ANKS1A: variants seen among roughly 807,000 people sequenced by gnomAD.
The protein encoded by ANKS1A is ankyrin repeat and sterile alpha motif domain containing 1A.
ANKS1A carries 55 observed loss-of-function variants against 120.3 expected under a neutral mutation model. That is an observed-to-expected ratio of 0.46 (90% CI 0.37 to 0.57). The LOEUF (loss-of-function observed/expected upper bound fraction) is 0.57. Ranked by LOEUF, ANKS1A falls within the 20% of genes least tolerant of loss-of-function variation. The pLI is 0.00. For synonymous variants in ANKS1A, 590 were observed against 604.7 expected (o/e 0.98, Z 0.36); for missense variants, 1,123 against 1,480.3 (o/e 0.76, Z 3.96).
In ANKS1A at chr6:35,067,884, CAATT is replaced by C. The variant is rs777742315; in HGVS notation, c.2184+7632_2184+7635del. Among the ~76,000 whole-genome samples, 47 of 97,572 alleles carry C rather than the reference CAATT, an allele frequency of 4.8e-4. 1 individual carries two copies. In the South Asian group the frequency reaches 0.016, roughly 33 times the overall value. 64.0% of individuals were successfully genotyped at this position (97,572 alleles called of 152,430 possible). ...TACATTTTTCTTTGTACTTCATTTT[CAATT>C]TTTTTTTTTTTTTTTTTTTGAGACG... On this transcript the variant is annotated intron_variant, in intron 13 of 23. Coordinates refer to ENST00000360359, the MANE Select transcript of ANKS1A (RefSeq NM_015245.3).
At chr6:34,952,691 C>A (rs533081713) in intron 1 of ANKS1A, among the ~76,000 whole-genome samples, 23 of 151,500 alleles carry the variant, frequency 1.5e-4, no homozygotes, top group African/African-American at 4.1e-4. Context: ...TAAATAACTT[C>A]GAAGAATATA....
intron 9 of ANKS1A, among the ~76,000 whole-genome samples, chr6:34,991,567 CACACACACACACAT>C (rs1413823153): frequency 6.0e-5 from 4 of 67,158 alleles, no homozygotes; most frequent in East Asian, 6.6e-4. Context: ...CACACACACA[CACACACACACACAT>C]ATACACATAT....
intron 1 of ANKS1A, among the ~76,000 whole-genome samples, chr6:34,901,136 G>T (rs1002052075): frequency 6.6e-6 from 1 of 151,680 alleles, no homozygotes; most frequent in African/African-American, 2.4e-5. Flanking sequence ...GCACTACCAG[G>T]GCCAAAGTTT....
At chr6:35,040,838 C>T (rs1403849015) in intron 11 of ANKS1A, among the ~76,000 whole-genome samples, 1 of 152,230 alleles carries the variant, frequency 6.6e-6, no homozygotes, top group African/African-American at 2.4e-5. Context: ...TTCCCCTTCA[C>T]CCCTTTCTTC....
rs1776409454 is a variant in ANKS1A, at chr6:35,060,015, CTT to C, written c.2078-131_2078-130del. ...CTGCGTGTCTGCTGCTCTCTGGTCT[CTT>C]GTATATAGTTTGGCTGTTTGATGGT... On this transcript the variant is annotated intron_variant, in intron 12 of 23. Coordinates refer to ENST00000360359, the MANE Select transcript of ANKS1A (RefSeq NM_015245.3). This position sits in a 1 kb window ranked among gnomAD's most constrained non-coding sequence, Gnocchi z 4.5. The C allele has an allele frequency of 2.9e-6, 2 of 678,118 alleles. No individual in the cohort carries two copies. Among genetic ancestry groups the C allele is most frequent in the Admixed American group, 2.2e-5 (1 of 44,892 alleles). The allele number at this position is 678,118 out of a possible 1,614,324, so 42.0% of individuals were successfully genotyped here. A position where few individuals can be genotyped will look rare whatever the true frequency, so the allele number is the denominator to read the frequency against.
intron 10 of ANKS1A, among the ~76,000 whole-genome samples, chr6:35,012,961 T>A (rs1773840349): frequency 6.6e-6 from 1 of 152,186 alleles, no homozygotes; most frequent in East Asian, 1.9e-4. Flanking sequence ...GGGTCTCTTC[T>A]GCAACTTCAC....
At chr6:35,002,635 T>C (rs1325536252) in intron 10 of ANKS1A, among the ~76,000 whole-genome samples, 1 of 152,088 alleles carries the variant, frequency 6.6e-6, no homozygotes, top group Non-Finnish European at 1.5e-5. Flanking sequence ...GTTATGTTTG[T>C]GGAGAAACTG....
chr6:34,953,523 C>T (rs1770192154), intron 1 of ANKS1A, among the ~76,000 whole-genome samples: 1 of 152,102 alleles, frequency 6.6e-6, no homozygotes, highest in Non-Finnish European at 1.5e-5. Context: ...CACTGTGATC[C>T]CACACTCTTC....
chr6:35,081,569 C>T (rs914153907), intron 17 of ANKS1A, among the ~76,000 whole-genome samples: 2 of 152,194 alleles, frequency 1.3e-5, no homozygotes, highest in Non-Finnish European at 2.9e-5. Context: ...CGTTGTTCCC[C>T]AGAACTGCTT....
intron 11 of ANKS1A, among the ~76,000 whole-genome samples, 169 bp from the exon 12 acceptor site, chr6:35,053,930 G>A (rs1336626779): frequency 6.6e-6 from 1 of 152,212 alleles, no homozygotes; most frequent in Non-Finnish European, 1.5e-5. Context: ...GCCAGAGAAG[G>A]CCTCTCTTAG....
intron 9 of ANKS1A, among the ~76,000 whole-genome samples, chr6:34,991,395 A>T (rs1484185765): frequency 6.6e-6 from 1 of 152,020 alleles, no homozygotes; most frequent in Non-Finnish European, 1.5e-5. Flanking sequence ...TATTCATGGA[A>T]GTTGCAGCTG....
chr6:35,062,853 C>T (rs1239362255), intron 13 of ANKS1A, among the ~76,000 whole-genome samples: 2 of 152,214 alleles, frequency 1.3e-5, no homozygotes, highest in Non-Finnish European at 2.9e-5. Context: ...TTGCATTGTA[C>T]TGGCTGATGT....
intron 11 of ANKS1A, among the ~76,000 whole-genome samples, chr6:35,041,799 CTG>C (rs1212128087): frequency 6.6e-6 from 1 of 152,212 alleles, no homozygotes; most frequent in Non-Finnish European, 1.5e-5. Flanking sequence ...CTGAGCTCTT[CTG>C]TGGCCTCCCA....
intron 10 of ANKS1A, among the ~76,000 whole-genome samples, chr6:35,000,475 G>C (rs1225093532): frequency 1.4e-5 from 2 of 144,348 alleles, no homozygotes; most frequent in Non-Finnish European, 3.1e-5. Context: ...AAAAAAAAAA[G>C]AATGGTTATC....
chr6:35,039,551 A>G (rs768559865), intron 11 of ANKS1A: 1 of 456,430 alleles, frequency 2.2e-6, no homozygotes. Flanking sequence ...CAGCTTTATA[A>G]CATTTCTGTT....
intron 11 of ANKS1A, among the ~76,000 whole-genome samples, chr6:35,036,131 G>A (rs764248629): frequency 2.0e-5 from 3 of 152,302 alleles, no homozygotes; most frequent in South Asian, 4.1e-4. Context: ...TTTGATTGGT[G>A]TTGGGCATAG....
At chr6:35,051,913 G>T (rs1274080445) in intron 11 of ANKS1A, among the ~76,000 whole-genome samples, 1 of 152,308 alleles carries the variant, frequency 6.6e-6, no homozygotes, top group East Asian at 1.9e-4. Flanking sequence ...ACCTTTTATT[G>T]AGCATTTACT....
intron 3 of ANKS1A, among the ~76,000 whole-genome samples, chr6:34,975,447 C>A (rs370593828): frequency 4.3e-4 from 61 of 140,782 alleles, no homozygotes; most frequent in Admixed American, 7.0e-4. Flanking sequence ...GAGTGAGACT[C>A]AAAAAAAAAA....
downstream of ANKS1A, among the ~76,000 whole-genome samples, chr6:35,095,546 G>C (rs1778437197): frequency 2.6e-5 from 3 of 113,902 alleles, no homozygotes. Flanking sequence ...AACAGAGGGA[G>C]ACTGTGTCAC....
Sources: allele counts gnomAD v4.1 joint callset (sites outside exome capture counted in the v4.1 genomes callset), GRCh38; gene constraint gnomAD v4.1.1; non-coding constraint Gnocchi (gnomAD v3.1); transcripts MANE v1.5; gene names NCBI Gene and HGNC (gene_info 2026-07-23, HGNC 2026-07-21).